The following ZNF438 variants were observed in gnomAD, a reference collection of about 807,000 sequenced individuals.
ZNF438 encodes the protein zinc finger protein 438.
A neutral mutation model predicts 38.0 loss-of-function variants in ZNF438; 25 were observed. That is an observed-to-expected ratio of 0.66 (90% CI 0.48 to 0.92). The LOEUF (loss-of-function observed/expected upper bound fraction) is 0.92. Ranked by LOEUF, ZNF438 falls within the 40% of genes least tolerant of loss-of-function variation. ZNF438 has a pLI of 0.00. For synonymous variants in ZNF438, 372 were observed against 364.1 expected (o/e 1.02, Z -0.25); for missense variants, 1,007 against 999.6 (o/e 1.01, Z -0.10).
At chr10:30,964,493 T>A (rs1423285902) in intron 1 of ZNF438, among the ~76,000 whole-genome samples, 1 of 152,190 alleles carries the variant, frequency 6.6e-6, no homozygotes, top group Non-Finnish European at 1.5e-5. Context: ...GTGATGCACA[T>A]CTCTGGAGAG....
chr10:30,845,340 C>T (rs1408488645), exon 6 of ZNF438: 9 of 1,614,058 alleles, frequency 5.6e-6, no homozygotes, highest in African/African-American at 1.3e-5. Context: ...CTCAGGATGC[C>T]TTTTCCAGTC....
At chr10:30,848,862 G>T (rs2032938518) in exon 5 of ZNF438, 1 of 1,614,116 alleles carries the variant, frequency 6.2e-7, no homozygotes. Context: ...AACTGGAAGT[G>T]GTGGTTGCAG....
intron 1 of ZNF438, among the ~76,000 whole-genome samples, chr10:30,950,087 A>C (rs1317534786): frequency 4.6e-5 from 7 of 150,638 alleles, no homozygotes; most frequent in African/African-American, 1.7e-4. Flanking sequence ...ACTCAGGATT[A>C]AGAATCTCAC....
chr10:31,004,752 G>C (rs959753564), intron 1 of ZNF438, among the ~76,000 whole-genome samples: 1 of 152,122 alleles, frequency 6.6e-6, no homozygotes, highest in Non-Finnish European at 1.5e-5. Context: ...AAAGCATCTA[G>C]GCTGGATAAG....
intron 1 of ZNF438, among the ~76,000 whole-genome samples, chr10:30,968,670 G>A (rs1255837794): frequency 2.6e-5 from 4 of 151,786 alleles, no homozygotes; most frequent in Admixed American, 6.6e-5. Context: ...TCAAACTCCC[G>A]ACCTCAGGTT....
intron 4 of ZNF438, among the ~76,000 whole-genome samples, chr10:30,853,548 T>C (rs1029662622): frequency 6.6e-6 from 1 of 152,198 alleles, no homozygotes; most frequent in Non-Finnish European, 1.5e-5. Flanking sequence ...CACTCTTCCC[T>C]CAGTAAATCC....
In ZNF438 at chr10:30,867,391, G is replaced by A. The variant is rs115492267; in HGVS notation, c.37+9607C>T. Among the ~76,000 whole-genome samples the A allele has an allele frequency of 5.2e-3, 799 of 152,242 alleles. 9 individuals are homozygous for A. The highest frequency in any genetic ancestry group is 0.018 in the African/African-American group (762 of 41,544). ...TGTGGTTTTTGTCATTAGTTTTATAGTATAGTCAATTTCGTTAAACTAGGT... is the reference window on the plus strand; with the variant it reads ...TGTGGTTTTTGTCATTAGTTTTATAATATAGTCAATTTCGTTAAACTAGGT... On this transcript the variant is annotated intron_variant, in intron 4 of 5. Coordinates refer to ENST00000413025, the Ensembl canonical transcript of ZNF438.
At chr10:30,844,765 T>C (rs2031474197) in exon 6 of ZNF438, 1 of 652,674 alleles carries the variant, frequency 1.5e-6, no homozygotes, top group African/African-American at 1.8e-5. Context: ...TAAGACTGCA[T>C]ATAGTTAGAA....
At chr10:30,945,246 G>C (rs542275713) in intron 1 of ZNF438, among the ~76,000 whole-genome samples, 2 of 151,436 alleles carry the variant, frequency 1.3e-5, no homozygotes, top group East Asian at 3.9e-4. Context: ...TTAATTAATT[G>C]ATTCTTACAT....
In ZNF438 at chr10:30,910,202, T is replaced by C. The variant is rs2042942176; in HGVS notation, c.-114-1187A>G. Among the ~76,000 whole-genome samples the C allele has an allele frequency of 2.0e-5, 3 of 152,090 alleles. No individual in the cohort carries two copies. The South Asian group carries it at 6.2e-4, about 32-fold the overall frequency. On this transcript the variant is annotated intron_variant, in intron 2 of 5. Transcript: ENST00000413025. The stretch of plus-strand genomic sequence containing the variant: ...AGGGGGAAGAAGATTCACCTGAGAC[T>C]ATAGGTGAAGGGAAGAGGAAAGACC...
chr10:31,013,582 C>A (rs2055923870), intron 1 of ZNF438, among the ~76,000 whole-genome samples: 1 of 152,178 alleles, frequency 6.6e-6, no homozygotes, highest in Non-Finnish European at 1.5e-5. Context: ...CAAACACACG[C>A]ACATTCTTCC....
chr10:30,886,073 T>C lies in ZNF438; in HGVS notation c.-31-9008A>G, dbSNP rs151254252. ...TGATACTCAACTATGGACTGGATGCTATATAACTTCATCACTGAAAAACCT... is the reference window on the plus strand; with the variant it reads ...TGATACTCAACTATGGACTGGATGCCATATAACTTCATCACTGAAAAACCT... On this transcript the variant is annotated intron_variant, in intron 3 of 5. Coordinates refer to ENST00000413025, the Ensembl canonical transcript of ZNF438. 2.1e-4 allele frequency among the ~76,000 whole-genome samples: 32 copies of C among 152,330 alleles called. No homozygotes were observed. In the East Asian group the frequency reaches 4.4e-3, roughly 21 times the overall value.
intron 4 of ZNF438, among the ~76,000 whole-genome samples, chr10:30,862,899 T>C (rs1014968512): frequency 6.6e-6 from 1 of 152,240 alleles, no homozygotes; most frequent in Non-Finnish European, 1.5e-5. Context: ...ATTTCAAAAG[T>C]AAGTTCACTT....
intron 1 of ZNF438, among the ~76,000 whole-genome samples, chr10:31,010,757 C>T (rs183747548): frequency 1.6e-3 from 240 of 151,766 alleles, no homozygotes; most frequent in African/African-American, 5.5e-3. Context: ...GGCACGGTAG[C>T]ACACATCTGT....
At chr10:31,017,931 T>C (rs1424679849) in intron 1 of ZNF438, among the ~76,000 whole-genome samples, 3 of 152,226 alleles carry the variant, frequency 2.0e-5, no homozygotes, top group Non-Finnish European at 2.9e-5. Context: ...GCTTAAATAA[T>C]GAAGTGACAA....
At chr10:30,879,281 A>C (rs970489559) in intron 3 of ZNF438, among the ~76,000 whole-genome samples, 1 of 152,202 alleles carries the variant, frequency 6.6e-6, no homozygotes, top group Non-Finnish European at 1.5e-5. Flanking sequence ...AGTAGGGGGG[A>C]ATACTTAATT....
chr10:31,003,484 G>T (rs1017445103), intron 1 of ZNF438, among the ~76,000 whole-genome samples: 1 of 152,114 alleles, frequency 6.6e-6, no homozygotes, highest in Non-Finnish European at 1.5e-5. Flanking sequence ...CAGGAACTTG[G>T]CTACTGTCTT....
intron 3 of ZNF438, among the ~76,000 whole-genome samples, chr10:30,884,308 A>T (rs1407937699): frequency 6.6e-6 from 1 of 152,156 alleles, no homozygotes; most frequent in African/African-American, 2.4e-5. Context: ...AACACTTATT[A>T]AAAAATTTTT....
chr10:30,963,751 G>A (rs1229496819), intron 1 of ZNF438, among the ~76,000 whole-genome samples: 3 of 151,984 alleles, frequency 2.0e-5, no homozygotes, highest in African/African-American at 7.2e-5. Context: ...TACGGTGGCA[G>A]GCGCCTGTAA....
Sources: allele counts gnomAD v4.1 joint callset (sites outside exome capture counted in the v4.1 genomes callset), GRCh38; gene constraint gnomAD v4.1.1; transcripts MANE v1.5; gene names NCBI Gene and HGNC (gene_info 2026-07-23, HGNC 2026-07-21).